PPHLN1: variants seen among roughly 807,000 people sequenced by gnomAD.
The protein encoded by PPHLN1 is periphilin-1.
PPHLN1 carries 29 observed loss-of-function variants against 51.3 expected under a neutral mutation model. The observed-to-expected ratio is 0.57, with a 90% confidence interval of 0.42 to 0.77. The LOEUF is 0.77. Ranked by LOEUF, PPHLN1 falls within the 30% of genes least tolerant of loss-of-function variation. The pLI is 0.00. For missense variants in PPHLN1, 436 were observed against 438.4 expected (o/e 0.99, Z 0.05); for synonymous variants, 147 against 147.8 (o/e 0.99, Z 0.04).
chr12:42,415,224 T>C (rs2080263102), intron 9 of PPHLN1, among the ~76,000 whole-genome samples: 1 of 152,310 alleles, frequency 6.6e-6, no homozygotes, highest in South Asian at 2.1e-4. Context: ...CAGGCTGGAG[T>C]GCAGTGGCGT....
intron 5 of PPHLN1, among the ~76,000 whole-genome samples, chr12:42,384,248 GA>G (rs781204005): frequency 0.015 from 2,142 of 143,710 alleles, 12 homozygotes; most frequent in African/African-American, 0.022. Context: ...TTTTCTCAGA[GA>G]AAAAAAAAAA....
chr12:42,367,428 T>G (rs1286641174), intron 4 of PPHLN1, among the ~76,000 whole-genome samples: 2 of 152,114 alleles, frequency 1.3e-5, no homozygotes, highest in Non-Finnish European at 2.9e-5. Context: ...TTTCTTTTTT[T>G]TTTTAATTAA....
At chr12:42,349,836 T>C in intron 2 of PPHLN1, among the ~76,000 whole-genome samples, 1 of 152,206 alleles carries the variant, frequency 6.6e-6, no homozygotes, top group Non-Finnish European at 1.5e-5. Context: ...CAATCTGATC[T>C]CTCTTTCTTT....
At chr12:42,420,118 T>C (rs1478518645) in intron 9 of PPHLN1, among the ~76,000 whole-genome samples, 1 of 152,226 alleles carries the variant, frequency 6.6e-6, no homozygotes, top group East Asian at 1.9e-4. Context: ...CTGGCTTGAA[T>C]CACTGGAGAG....
At chr12:42,409,535 T>C (rs1459547922) in intron 9 of PPHLN1, among the ~76,000 whole-genome samples, 1 of 152,170 alleles carries the variant, frequency 6.6e-6, no homozygotes, top group Non-Finnish European at 1.5e-5. Context: ...CTTTCATTTA[T>C]TATTTTAATC....
At chr12:42,355,352 C>T (rs2073913183) in intron 4 of PPHLN1, 130 bp downstream of exon 4, 1 of 750,200 alleles carries the variant, frequency 1.3e-6, no homozygotes, top group Non-Finnish European at 2.2e-6. Flanking sequence ...AAGCAACAAG[C>T]ATTATATTCT....
intron 2 of PPHLN1, chr12:42,351,441 G>A (rs1487726863): frequency 6.6e-6 from 1 of 152,244 alleles, no homozygotes; most frequent in Non-Finnish European, 1.5e-5. Context: ...GATCATTCTG[G>A]CTCAATATCA....
intron 9 of PPHLN1, chr12:42,400,291 A>G (rs1592732998): frequency 6.6e-6 from 1 of 150,894 alleles, no homozygotes; most frequent in African/African-American, 2.4e-5. Flanking sequence ...AAACGGTGAA[A>G]CCCCGTCTCT....
chr12:42,445,822 AT>A, downstream of PPHLN1: 2 of 885,594 alleles, frequency 2.3e-6, no homozygotes, highest in Non-Finnish European at 3.3e-6. Context: ...TAGATGATAA[AT>A]TTCAGTCAGC....
At chr12:42,330,139 A>G (rs1463282152) in intron 1 of PPHLN1, among the ~76,000 whole-genome samples, 1 of 152,224 alleles carries the variant, frequency 6.6e-6, no homozygotes, top group Admixed American at 6.5e-5. Context: ...CAAGCATCTC[A>G]GTGTAGTAAA....
At chr12:42,337,882 C>G (rs1486521777) in intron 2 of PPHLN1, among the ~76,000 whole-genome samples, 2 of 151,978 alleles carry the variant, frequency 1.3e-5, no homozygotes, top group Non-Finnish European at 2.9e-5. Context: ...GTCCTGGATT[C>G]AAGCGATTCT....
rs71084642 is a variant in PPHLN1, at chr12:42,360,458, CTTTTTTTTTT to C, written c.299+5256_299+5265del. 7.4e-3 allele frequency among the ~76,000 whole-genome samples: 417 copies of C among 56,316 alleles called. 6 individuals carry two copies. Among genetic ancestry groups the C allele is most frequent in the African/African-American group, 0.028 (366 of 13,118 alleles). 36.9% of individuals were successfully genotyped at this position (56,316 alleles called of 152,430 possible). On this transcript the variant is annotated intron_variant, in intron 4 of 9. Coordinates refer to ENST00000358314, the MANE Select transcript of PPHLN1 (RefSeq NM_201439.2). ...ACAGTTCCTGAAGTGATGCTGAATT[CTTTTTTTTTT>C]TTTTTTTTTTTTTTTTTTTGAGATG...
chr12:42,349,551 G>GCGGC (rs1016105721), intron 2 of PPHLN1, among the ~76,000 whole-genome samples: 62 of 151,096 alleles, frequency 4.1e-4, no homozygotes, highest in Non-Finnish European at 7.8e-4. Flanking sequence ...AGAGGACCCT[G>GCGGC]CGGCCTTCCG....
At chr12:42,374,765 A>G in intron 4 of PPHLN1, 98 bp from the exon 5 acceptor site, 9 of 1,064,098 alleles carry the variant, frequency 8.5e-6, no homozygotes, top group African/African-American at 1.6e-5. Context: ...CAAGAGTACA[A>G]TTTAAAGGGT....
chr12:42,355,257 A>T (rs1207900306), intron 4 of PPHLN1, 35 bp downstream of exon 4: 3 of 1,553,832 alleles, frequency 1.9e-6, no homozygotes, highest in Non-Finnish European at 2.7e-6. Flanking sequence ...AAGTACTTTG[A>T]TACTTGACTC....
Position 42,385,039 on chromosome 12 carries a change from G to A in PPHLN1, c.568+43G>A, listed in dbSNP as rs745426507. 70 of 1,534,976 alleles carry A rather than the reference G, an allele frequency of 4.6e-5. No individual in the cohort carries two copies. In the East Asian group the frequency reaches 1.5e-3, roughly 34 times the overall value. The stretch of plus-strand genomic sequence containing the variant: ...CTCTGATTTGGGATTGTGAAGGGGT[G>A]GGAGACTTGAACTGATAGCGGTTAT... On this transcript the variant is annotated intron_variant, in intron 6 of 9. Transcript: ENST00000358314.
At chr12:42,372,964 G>A (rs764045447) in intron 4 of PPHLN1, among the ~76,000 whole-genome samples, 1 of 152,124 alleles carries the variant, frequency 6.6e-6, no homozygotes, top group African/African-American at 2.4e-5. Context: ...TAAGTCTAGA[G>A]GGTATATTCT....
At chr12:42,352,254 G>A (rs1288761960) in intron 3 of PPHLN1, among the ~76,000 whole-genome samples, 1 of 151,898 alleles carries the variant, frequency 6.6e-6, no homozygotes. Context: ...AAGCACTCTG[G>A]GTGGCACTAT....
intron 9 of PPHLN1, among the ~76,000 whole-genome samples, chr12:42,424,181 G>T (rs1265695398): frequency 6.6e-6 from 1 of 152,148 alleles, no homozygotes; most frequent in Non-Finnish European, 1.5e-5. Context: ...CAGAAGGCCA[G>T]GTAACATCTA....
Sources: allele counts gnomAD v4.1 joint callset (sites outside exome capture counted in the v4.1 genomes callset), GRCh38; gene constraint gnomAD v4.1.1; transcripts MANE v1.5; gene names NCBI Gene and HGNC (gene_info 2026-07-23, HGNC 2026-07-21).